CNIH3: variants seen among roughly 807,000 people sequenced by gnomAD.
The protein encoded by CNIH3 is cornichon family AMPA receptor auxiliary protein 3, also known as protein cornichon homolog 3.
A neutral mutation model predicts 24.1 loss-of-function variants in CNIH3; 14 were observed. That is an observed-to-expected ratio of 0.58 (90% CI 0.38 to 0.91). The LOEUF (loss-of-function observed/expected upper bound fraction) is 0.91. Ranked by LOEUF, CNIH3 falls within the 40% of genes least tolerant of loss-of-function variation. CNIH3 has a pLI of 0.00. For missense variants in CNIH3, 178 were observed against 196.8 expected (o/e 0.90, Z 0.57); for synonymous variants, 68 against 73.8 (o/e 0.92, Z 0.40).
intron 1 of CNIH3, among the ~76,000 whole-genome samples, chr1:224,438,222 C>CT (rs774066856): frequency 0.026 from 3,728 of 143,112 alleles, 164 homozygotes; most frequent in East Asian, 0.18. Context: ...CCATGCTGGC[C>CT]TTTTTTTTTT....
chr1:224,681,134 G>A lies in CNIH3; in HGVS notation c.150+108G>A, dbSNP rs754198939. The A allele has an allele frequency of 7.0e-5, 65 of 925,798 alleles. No homozygotes were observed. In the African/African-American group the frequency reaches 8.6e-4, roughly 12 times the overall value. 57.3% of individuals were successfully genotyped at this position (925,798 alleles called of 1,614,324 possible). ...ATTTGAATGCGTAAAGAACATGCTC[G>A]CCCTCACTGTGCCTCTCTACCTGGC... On this transcript the variant is annotated intron_variant, in intron 2 of 5. Coordinates refer to ENST00000272133, the MANE Select transcript of CNIH3 (RefSeq NM_152495.2).
At chr1:224,619,626 G>C (rs1418594844) in intron 1 of CNIH3, among the ~76,000 whole-genome samples, 1 of 152,108 alleles carries the variant, frequency 6.6e-6, no homozygotes, top group Non-Finnish European at 1.5e-5. Context: ...CGGTTTGTAT[G>C]TCTGGGTGTT....
intron 1 of CNIH3, among the ~76,000 whole-genome samples, chr1:224,453,504 CA>C (rs1675516917): frequency 6.6e-6 from 1 of 152,058 alleles, no homozygotes; most frequent in Admixed American, 6.6e-5. Context: ...TACTATGAAA[CA>C]AATCTATTTG....
intron 1 of CNIH3, among the ~76,000 whole-genome samples, chr1:224,435,456 A>G (rs1044687158): frequency 3.3e-5 from 5 of 152,182 alleles, no homozygotes; most frequent in Non-Finnish European, 7.4e-5. Flanking sequence ...TTATGGGGAC[A>G]AGAAGTCACA....
chr1:224,661,605 G>A (rs747472167), intron 1 of CNIH3: 22 of 354,006 alleles, frequency 6.2e-5, no homozygotes, highest in East Asian at 2.4e-4. Flanking sequence ...CATCATCTAC[G>A]TTATGAAATG....
rs1401475978 is a variant in CNIH3, at chr1:224,481,297, G to A, written n.204-34444G>A. 2.0e-5 allele frequency among the ~76,000 whole-genome samples: 3 copies of A among 152,196 alleles called. 1 individual carries two copies. The highest frequency in any genetic ancestry group is 4.4e-5 in the Non-Finnish European group (3 of 68,042). On this transcript the variant is annotated intron_variant and non_coding_transcript_variant, in intron 1 of 5. Coordinates refer to the CNIH3 transcript ENST00000471578. ...AAGATGAGATTTAGGTGGGAACACA[G>A]CCAAACCATATCAATCAGTGTCTAG...
intron 1 of CNIH3, among the ~76,000 whole-genome samples, chr1:224,647,591 C>G (rs1051612836): frequency 3.3e-5 from 5 of 152,294 alleles, no homozygotes; most frequent in Admixed American, 3.3e-4. Context: ...TGATGAGAAC[C>G]AAAGCAGTGA....
intron 2 of CNIH3, among the ~76,000 whole-genome samples, chr1:224,534,026 A>T (rs912989938): frequency 6.6e-6 from 1 of 152,136 alleles, no homozygotes; most frequent in Non-Finnish European, 1.5e-5. Flanking sequence ...TTAGGTGGGC[A>T]TGGTGGCACA....
intron 1 of CNIH3, among the ~76,000 whole-genome samples, chr1:224,656,161 CT>C (rs1172826946): frequency 6.6e-6 from 1 of 152,122 alleles, no homozygotes; most frequent in African/African-American, 2.4e-5. Context: ...ATGCTTCATG[CT>C]GAGGAAGGTC....
rs1434077280 is a variant in CNIH3, at chr1:224,681,304, G to A, written c.150+278G>A. 2.6e-5 allele frequency among the ~76,000 whole-genome samples: 4 copies of A among 152,164 alleles called. 1 individual carries two copies. The highest frequency in any genetic ancestry group is 2.6e-4 in the Admixed American group (4 of 15,286). ...AGTCCTCAAAGCCTGGTGCTCTTGTGTTTTGGTTACTCATCCTTAAACAAG... is the reference window on the plus strand; with the variant it reads ...AGTCCTCAAAGCCTGGTGCTCTTGTATTTTGGTTACTCATCCTTAAACAAG... On this transcript the variant is annotated intron_variant, in intron 2 of 5. Transcript: ENST00000272133.
At chr1:224,674,409 G>A (rs542141058) in intron 1 of CNIH3, among the ~76,000 whole-genome samples, 1 of 148,932 alleles carries the variant, frequency 6.7e-6, no homozygotes, top group Non-Finnish European at 1.5e-5. Context: ...AAAGACAGAA[G>A]CATGAGATGC....
rs925194320 is a variant in CNIH3, at chr1:224,601,794, G to C, written n.402+35530G>C. On this transcript the variant is annotated intron_variant and non_coding_transcript_variant, in intron 3 of 7. Coordinates refer to the CNIH3 transcript ENST00000478120. ...GAGCAAAATAATATAGTAGTGAATAGAATGCTTATGAAGAAAAAATTAAAG... is the reference window on the plus strand; with the variant it reads ...GAGCAAAATAATATAGTAGTGAATACAATGCTTATGAAGAAAAAATTAAAG... Among the ~76,000 whole-genome samples, 5 of 152,356 alleles carry C rather than the reference G, an allele frequency of 3.3e-5. No individual in the cohort carries two copies. In the South Asian group the frequency reaches 1.0e-3, roughly 32 times the overall value.
chr1:224,517,995 T>C (rs1326917796), intron 1 of CNIH3, among the ~76,000 whole-genome samples: 2 of 152,126 alleles, frequency 1.3e-5, no homozygotes, highest in Non-Finnish European at 2.9e-5. Flanking sequence ...AGCGATCCTT[T>C]AGCAAGCGGC....
At chr1:224,475,099 C>G (rs1316428420) in intron 1 of CNIH3, among the ~76,000 whole-genome samples, 1 of 149,510 alleles carries the variant, frequency 6.7e-6, no homozygotes, top group Non-Finnish European at 1.5e-5. Context: ...GTGGCTCAGC[C>G]TGTAATCCCA....
At chr1:224,498,133 A>G (rs1677508710) in intron 1 of CNIH3, among the ~76,000 whole-genome samples, 1 of 152,178 alleles carries the variant, frequency 6.6e-6, no homozygotes, top group Admixed American at 6.5e-5. Flanking sequence ...TTCAGGGCCC[A>G]TCTGGCCTCC....
At chr1:224,577,355 CA>C (rs1229181726) in intron 4 of CNIH3, among the ~76,000 whole-genome samples, 1 of 151,782 alleles carries the variant, frequency 6.6e-6, no homozygotes, top group African/African-American at 2.4e-5. Flanking sequence ...TCAAACAAAT[CA>C]GCAAGAAAAA....
At chr1:224,467,378 T>C (rs1676190448) in intron 1 of CNIH3, among the ~76,000 whole-genome samples, 1 of 152,132 alleles carries the variant, frequency 6.6e-6, no homozygotes, top group South Asian at 2.1e-4. Context: ...CAAAATTTTC[T>C]AATTCTTAAG....
intron 3 of CNIH3, among the ~76,000 whole-genome samples, chr1:224,563,158 T>A (rs922997076): frequency 6.6e-6 from 1 of 152,182 alleles, no homozygotes; most frequent in Non-Finnish European, 1.5e-5. Context: ...ACAAAGCAAA[T>A]GTCCAGCAGT....
chr1:224,434,866 T>A, intron 1 of CNIH3: 1 of 984,998 alleles, frequency 1.0e-6, no homozygotes, highest in Non-Finnish European at 1.2e-6. Flanking sequence ...GTGGCAGGTA[T>A]GGAACCTATA....
Sources: gnomAD v4.1 joint callset for allele counts (sites outside exome capture counted in the v4.1 genomes callset) on GRCh38, gnomAD v4.1.1 for gene constraint, MANE v1.5 for transcripts, NCBI Gene and HGNC (gene_info 2026-07-23, HGNC 2026-07-21) for gene names.